Variants in PPFIA2 observed in about 807,000 individuals in gnomAD.
PPFIA2 encodes PPFI scaffold protein A2.
A neutral mutation model predicts 175.5 loss-of-function variants in PPFIA2; 46 were observed. That is an observed-to-expected ratio of 0.26 (90% CI 0.21 to 0.34). The LOEUF (loss-of-function observed/expected upper bound fraction) is 0.34. Among genes scored for constraint, PPFIA2 ranks in the 10% least tolerant of loss-of-function variants. The pLI, the probability that PPFIA2 is intolerant of heterozygous loss-of-function variation, is 1.00. For missense variants in PPFIA2, 1,179 were observed against 1,506.1 expected, an observed-to-expected ratio of 0.78 and a Z score of 3.60; for synonymous variants, 568 against 511.4, an observed-to-expected ratio of 1.11 and a Z score of -1.49.
At chr12:81,446,944 A>G (rs2051392587) in intron 5 of PPFIA2, among the ~76,000 whole-genome samples, 1 of 152,134 alleles carries the variant, frequency 6.6e-6, no homozygotes, top group South Asian at 2.1e-4. Context: ...TTGGGCACAA[A>G]GAACACCAGT....
At chr12:81,440,805 T>C (rs2050034715) in intron 6 of PPFIA2, among the ~76,000 whole-genome samples, 1 of 146,402 alleles carries the variant, frequency 6.8e-6, no homozygotes, top group African/African-American at 2.6e-5. Flanking sequence ...GATCTATATA[T>C]ATGTCCTGAT....
intron 3 of PPFIA2, among the ~76,000 whole-genome samples, chr12:81,727,664 T>C: frequency 6.6e-6 from 1 of 151,396 alleles, no homozygotes; most frequent in East Asian, 1.9e-4. Flanking sequence ...GGCTGTGGTT[T>C]ATAAAAAAAC....
intron 10 of PPFIA2, among the ~76,000 whole-genome samples, chr12:81,375,380 G>A (rs1408745848): frequency 6.6e-6 from 1 of 152,068 alleles, no homozygotes; most frequent in South Asian, 2.1e-4. Context: ...CTGCTCTAGA[G>A]CCCAATAAAC....
chr12:81,389,463 C>A (rs146643308), intron 8 of PPFIA2, among the ~76,000 whole-genome samples: 26 of 152,086 alleles, frequency 1.7e-4, no homozygotes, highest in Middle Eastern at 3.4e-3. Context: ...ACTGCATAGT[C>A]TTTATGCTAC....
At position 81,533,550 on chromosome 12, in the gene PPFIA2, G is replaced by A. The variant is rs553182685; in HGVS notation, c.304-75684C>T. Reference sequence around the variant, plus strand: ...CCACCTTTGAAAATTCGTGAATTTTGGGGGGCAGAAACTGAATTTGGATGC... The same window carrying A: ...CCACCTTTGAAAATTCGTGAATTTTAGGGGGCAGAAACTGAATTTGGATGC... On this transcript the variant is annotated intron_variant, in intron 4 of 32. Transcript: ENST00000549396. Among the ~76,000 whole-genome samples, 343 of 151,468 alleles carry A rather than the reference G, an allele frequency of 2.3e-3. 2 individuals are homozygous for A. The highest frequency in any genetic ancestry group is 3.4e-3 in the Middle Eastern group (1 of 294).
chr12:81,668,677 G>T (rs1304282371), intron 4 of PPFIA2, among the ~76,000 whole-genome samples: 8 of 151,922 alleles, frequency 5.3e-5, no homozygotes, highest in African/African-American at 1.9e-4. Context: ...GAGTCATCTG[G>T]TCTTCTCTAA....
intron 8 of PPFIA2, among the ~76,000 whole-genome samples, chr12:81,388,507 G>A (rs531124161): frequency 6.6e-6 from 1 of 152,108 alleles, no homozygotes; most frequent in East Asian, 1.9e-4. Flanking sequence ...GAATGGGGGA[G>A]GTGGGGTTGA....
At chr12:81,345,820 G>T (rs536905084) in intron 18 of PPFIA2, among the ~76,000 whole-genome samples, 1 of 152,046 alleles carries the variant, frequency 6.6e-6, no homozygotes, top group Non-Finnish European at 1.5e-5. Context: ...TCAGATGAAT[G>T]GTTCCTAAAT....
chr12:81,599,210 G>A (rs944861175), intron 4 of PPFIA2, among the ~76,000 whole-genome samples: 4 of 152,014 alleles, frequency 2.6e-5, no homozygotes, highest in Middle Eastern at 3.4e-3. Flanking sequence ...GCCAAAAGTG[G>A]TGTCTTTGTG....
intron 24 of PPFIA2, 64 bp downstream of exon 24, chr12:81,294,771 G>A: frequency 1.3e-6 from 2 of 1,505,048 alleles, no homozygotes; most frequent in Non-Finnish European, 1.8e-6. Context: ...ATTTTGCTCT[G>A]TAGACTTAGA....
chr12:81,500,974 C>A (rs2060535957), intron 4 of PPFIA2, among the ~76,000 whole-genome samples: 1 of 152,116 alleles, frequency 6.6e-6, no homozygotes, highest in Non-Finnish European at 1.5e-5. Flanking sequence ...ATAGTAGTTG[C>A]CCTACTTCAG....
At chr12:81,704,674 G>C (rs959052742) in intron 3 of PPFIA2, among the ~76,000 whole-genome samples, 2 of 151,982 alleles carry the variant, frequency 1.3e-5, no homozygotes, top group African/African-American at 4.8e-5. Context: ...AGGTTCATTT[G>C]CCTTGGGAAG....
intron 3 of PPFIA2, among the ~76,000 whole-genome samples, chr12:81,739,406 T>C (rs866906099): frequency 3.3e-5 from 5 of 152,016 alleles, no homozygotes; most frequent in African/African-American, 1.2e-4. Flanking sequence ...TTGGCTAACA[T>C]AACTTTTAAA....
intron 4 of PPFIA2, among the ~76,000 whole-genome samples, chr12:81,632,990 A>G (rs963748341): frequency 6.6e-6 from 1 of 152,082 alleles, no homozygotes; most frequent in Admixed American, 6.5e-5. Context: ...TAGGAAAAGT[A>G]ATGATTACTG....
At chr12:81,553,735 T>C (rs1310362340) in intron 4 of PPFIA2, among the ~76,000 whole-genome samples, 1 of 152,026 alleles carries the variant, frequency 6.6e-6, no homozygotes, top group Non-Finnish European at 1.5e-5. Flanking sequence ...GCTTTCCAAT[T>C]GGAACTGCAT....
At chr12:81,577,726 T>C (rs1346718475) in intron 4 of PPFIA2, among the ~76,000 whole-genome samples, 2 of 151,802 alleles carry the variant, frequency 1.3e-5, no homozygotes, top group African/African-American at 4.8e-5. Context: ...AAAGGCCGTG[T>C]TAGCAGTAAT....
At chr12:81,465,358 C>T (rs759127907) in intron 4 of PPFIA2, 1 of 152,058 alleles carries the variant, frequency 6.6e-6, no homozygotes, top group Admixed American at 6.6e-5. Context: ...AACACCCTCA[C>T]CGACCACAAA....
chr12:81,561,678 T>C (rs1341702814), intron 4 of PPFIA2, among the ~76,000 whole-genome samples: 2 of 152,218 alleles, frequency 1.3e-5, no homozygotes, highest in Non-Finnish European at 2.9e-5. Flanking sequence ...TTTTAAATTA[T>C]AGCATAGGGT....
intron 7 of PPFIA2, among the ~76,000 whole-genome samples, chr12:81,414,603 T>C (rs144514273): frequency 6.6e-6 from 1 of 151,640 alleles, no homozygotes; most frequent in Admixed American, 6.6e-5. Context: ...TTAACAAAGA[T>C]TCTTTTCATC....
Sources: gnomAD v4.1 joint callset for allele counts (sites outside exome capture counted in the v4.1 genomes callset) on GRCh38, gnomAD v4.1.1 for gene constraint, MANE v1.5 for transcripts, NCBI Gene and HGNC (gene_info 2026-07-23, HGNC 2026-07-21) for gene names.